Variants in UTS2 observed in about 807,000 individuals in gnomAD.
UTS2 encodes the protein urotensin 2.
In UTS2, 10 loss-of-function variants were observed where a neutral mutation model predicts 12.6. The ratio of observed to expected loss-of-function variants is 0.80; its 90% CI spans 0.49 to 1.35. The LOEUF is 1.35. Among genes scored for constraint, UTS2 ranks in the 40% most tolerant of loss-of-function variants. The pLI is 0.00. For synonymous variants in UTS2, 52 were observed against 50.0 expected, an observed-to-expected ratio of 1.04 and a Z score of -0.17; for missense variants, 142 against 143.2, an observed-to-expected ratio of 0.99 and a Z score of 0.04.
Position 7,850,858 on chromosome 1 carries a change from C to T in UTS2, c.168G>A (p.Leu56=). 5 of 1,614,180 alleles carry T rather than the reference C, an allele frequency of 3.1e-6. No homozygotes were observed. The highest frequency in any genetic ancestry group is 4.2e-6 in the Non-Finnish European group (5 of 1,180,026). ...CTCTTTCTGCACCCAGCATCTCTGG[C>T]AGTATCTGTAGAAGGGAAGCTCTTT... The part of the protein sequence containing the change: ...ELERASLLQI[L]PEMLGAERGD... The change falls in exon 2 of 4, where the codon CTG becomes CTA. Residue 56 remains leucine, a synonymous_variant. Coordinates refer to ENST00000361696, the MANE Select transcript of UTS2 (RefSeq NM_006786.4).
the UTS2 span, among the ~76,000 whole-genome samples, chr1:7,895,460 T>C: frequency 6.6e-6 from 1 of 152,142 alleles, no homozygotes; most frequent in African/African-American, 2.4e-5. Flanking sequence ...CCTTTAACTC[T>C]TAGGGAACAG....
chr1:7,880,302 C>G, the UTS2 span, among the ~76,000 whole-genome samples: 1 of 151,182 alleles, frequency 6.6e-6, no homozygotes, highest in African/African-American at 2.4e-5. Flanking sequence ...AGAGCCAAAG[C>G]AGAACTAAAC....
chr1:7,857,060 G>C (rs1638326018), upstream of UTS2, among the ~76,000 whole-genome samples: 1 of 113,882 alleles, frequency 8.8e-6, no homozygotes, highest in Non-Finnish European at 1.9e-5. Context: ...GACTCTGTAG[G>C]AAAAGAAAGA....
At chr1:7,883,632 C>G in the UTS2 span, among the ~76,000 whole-genome samples, 4 of 152,176 alleles carry the variant, frequency 2.6e-5, no homozygotes, top group East Asian at 7.7e-4. Context: ...ATGCATGTAT[C>G]AAAATATCAC....
the UTS2 span, among the ~76,000 whole-genome samples, chr1:7,913,160 A>G: frequency 6.6e-6 from 1 of 151,138 alleles, no homozygotes; most frequent in African/African-American, 2.4e-5. Context: ...GAGACGTGAG[A>G]GATATGGGAC....
chr1:7,858,166 C>T (rs561842664), upstream of UTS2, among the ~76,000 whole-genome samples: 2 of 152,282 alleles, frequency 1.3e-5, no homozygotes, highest in South Asian at 4.1e-4. Context: ...CTACTAAAGG[C>T]TTACGCTTAA....
the UTS2 span, among the ~76,000 whole-genome samples, chr1:7,904,046 G>A: frequency 1.3e-5 from 2 of 152,046 alleles, no homozygotes; most frequent in Non-Finnish European, 2.9e-5. Flanking sequence ...TGTGATTTTA[G>A]AAATTTAGAT....
chr1:7,877,646 G>A, the UTS2 span, among the ~76,000 whole-genome samples: 34,457 of 151,972 alleles, frequency 0.23, 4,568 homozygotes, highest in African/African-American at 0.35. Context: ...AGGCTGAGGC[G>A]GGAGGATCAC....
the UTS2 span, among the ~76,000 whole-genome samples, chr1:7,870,622 G>T: frequency 6.6e-6 from 1 of 152,174 alleles, no homozygotes; most frequent in Non-Finnish European, 1.5e-5. Flanking sequence ...CACTGAAACC[G>T]TAACTAAGCT....
chr1:7,853,402 G>A (rs138271613), upstream of UTS2: 5 of 1,613,990 alleles, frequency 3.1e-6, no homozygotes, highest in African/African-American at 5.3e-5. Context: ...AAGTGACGCA[G>A]AGCATAAGAT....
chr1:7,890,358 C>T, the UTS2 span, among the ~76,000 whole-genome samples: 1 of 152,064 alleles, frequency 6.6e-6, no homozygotes, highest in Non-Finnish European at 1.5e-5. Context: ...TCAGAAGTGC[C>T]TACCCTCTCC....
chr1:7,877,758 A>C, the UTS2 span, among the ~76,000 whole-genome samples: 1 of 152,166 alleles, frequency 6.6e-6, no homozygotes, highest in African/African-American at 2.4e-5. Flanking sequence ...CTGTAATCCC[A>C]GCTACTCAGG....
At chr1:7,872,310 A>AAAAAAAAAAAAAAAAAAAAAAG in the UTS2 span, among the ~76,000 whole-genome samples, 1 of 148,418 alleles carries the variant, frequency 6.7e-6, no homozygotes. Context: ...AAAAAAAAAA[A>AAAAAAAAAAAAAAAAAAAAAAG]AAAAAAAAAG....
At chr1:7,873,043 A>G in the UTS2 span, among the ~76,000 whole-genome samples, 5 of 152,224 alleles carry the variant, frequency 3.3e-5, no homozygotes, top group Non-Finnish European at 7.3e-5. Context: ...CCTGTGCTCT[A>G]CCAATGGAAC....
the UTS2 span, among the ~76,000 whole-genome samples, chr1:7,898,310 A>G: frequency 6.6e-6 from 1 of 152,142 alleles, no homozygotes; most frequent in Non-Finnish European, 1.5e-5. Flanking sequence ...AGATCAGGCC[A>G]GTTAAATTTA....
chr1:7,882,453 G>T, the UTS2 span, among the ~76,000 whole-genome samples: 1,780 of 152,222 alleles, frequency 0.012, 35 homozygotes, highest in African/African-American at 0.041. Context: ...AGACTTAAAT[G>T]TTAAGACCTT....
chr1:7,850,666 C>T (rs957960365), intron 2 of UTS2, 146 bp downstream of exon 2: 26 of 745,430 alleles, frequency 3.5e-5, no homozygotes, highest in Admixed American at 1.5e-4. Flanking sequence ...TTGCACAGGC[C>T]GGGAGGGGAG....
the UTS2 span, among the ~76,000 whole-genome samples, chr1:7,886,470 G>A: frequency 6.6e-6 from 1 of 152,110 alleles, no homozygotes; most frequent in African/African-American, 2.4e-5. Context: ...GAACGATGTA[G>A]ACCAATCAGT....
the UTS2 span, among the ~76,000 whole-genome samples, chr1:7,875,865 C>T: frequency 6.6e-5 from 10 of 152,284 alleles, no homozygotes; most frequent in Admixed American, 5.2e-4. Flanking sequence ...CCCATGCAAA[C>T]TATTGGGGGG....
Sources: gnomAD v4.1 joint callset for allele counts (sites outside exome capture counted in the v4.1 genomes callset) on GRCh38, gnomAD v4.1.1 for gene constraint, MANE v1.5 for transcripts, NCBI Gene and HGNC (gene_info 2026-07-23, HGNC 2026-07-21) for gene names.